The following RSF1 variants were observed in gnomAD, a reference collection of about 807,000 sequenced individuals.
The protein encoded by RSF1 is remodeling and spacing factor 1.
RSF1 carries 13 observed loss-of-function variants against 145.2 expected under a neutral mutation model. That is an observed-to-expected ratio of 0.09 (90% CI 0.06 to 0.14). The LOEUF is 0.14. RSF1 is among the 10% of genes least tolerant of loss of function. The pLI is 1.00. For missense variants in RSF1, 1,517 were observed against 1,718.2 expected, an observed-to-expected ratio of 0.88 and a Z score of 2.07; for synonymous variants, 577 against 592.6, an observed-to-expected ratio of 0.97 and a Z score of 0.38.
intron 1 of RSF1, among the ~76,000 whole-genome samples, chr11:77,778,211 T>TG (rs1948366584): frequency 4.6e-5 from 1 of 21,844 alleles, no homozygotes; most frequent in Non-Finnish European, 8.1e-5. Context: ...GGGGAGAGGA[T>TG]GGGGAGGGGA....
In RSF1 at chr11:77,667,369, C is replaced by G; in HGVS notation, c.3874G>C (p.Glu1292Gln). 6.2e-7 allele frequency: 1 copy of G among 1,613,828 alleles called. No individual in the cohort carries two copies. Among genetic ancestry groups the G allele is most frequent in the African/African-American group, 1.3e-5 (1 of 75,012 alleles). ...AGCCGTTTGCGGGATGGTTTGCCTT[C>G]CTCTTCCTCCTCCTCCTCATCTGCT... ...SEADEEEEEEEGKPSRKRLHR... is the reference protein window; with the variant it reads ...SEADEEEEEEQGKPSRKRLHR... The change falls in exon 16 of 16, where the codon GAA (glutamate) becomes CAA (glutamine). Residue 1292 changes from glutamate to glutamine, a missense_variant. Around this residue, in one of 12 missense-constraint regions of RSF1, gnomAD observed 240 missense variants for 231.8 expected, o/e 1.04. Coordinates refer to ENST00000308488, the MANE Select transcript of RSF1 (RefSeq NM_016578.4).
intron 1 of RSF1, among the ~76,000 whole-genome samples, chr11:77,794,907 G>A (rs906900552): frequency 1.3e-5 from 2 of 152,166 alleles, no homozygotes; most frequent in Non-Finnish European, 2.9e-5. Flanking sequence ...AAAGAAGGAG[G>A]TCAAACTTTC....
At chr11:77,708,322 T>G (rs2135863212) in intron 5 of RSF1, among the ~76,000 whole-genome samples, 1 of 152,248 alleles carries the variant, frequency 6.6e-6, no homozygotes, top group African/African-American at 2.4e-5. Flanking sequence ...CCAGCTATAC[T>G]AGAGGCTGAG....
chr11:77,693,764 C>CATTCATTTATTTATTT (rs1554986270), intron 7 of RSF1, among the ~76,000 whole-genome samples, 153 bp from the exon 8 acceptor site: 1 of 146,556 alleles, frequency 6.8e-6, no homozygotes, highest in Admixed American at 6.8e-5. Context: ...AGGGATCTGA[C>CATTCATTTATTTATTT]ATTTATTTAT....
At chr11:77,744,809 C>T (rs1042419657) in intron 3 of RSF1, among the ~76,000 whole-genome samples, 2 of 152,136 alleles carry the variant, frequency 1.3e-5, no homozygotes, top group Non-Finnish European at 2.9e-5. Context: ...ATAATGCTGG[C>T]CTTCTAAAAT....
intron 1 of RSF1, among the ~76,000 whole-genome samples, chr11:77,787,806 G>A (rs1948471836): frequency 6.9e-6 from 1 of 145,148 alleles, no homozygotes; most frequent in Admixed American, 7.2e-5. Flanking sequence ...AAACTTACCA[G>A]GCATTGCTAA....
chr11:77,819,975 G>A (rs1948834964), intron 1 of RSF1, among the ~76,000 whole-genome samples: 1 of 152,152 alleles, frequency 6.6e-6, no homozygotes, highest in Non-Finnish European at 1.5e-5. Flanking sequence ...TCTCTCAGGG[G>A]AGTTCCCAAC....
intron 1 of RSF1, among the ~76,000 whole-genome samples, chr11:77,781,684 T>G (rs1948406290): frequency 6.6e-6 from 1 of 152,364 alleles, no homozygotes; most frequent in East Asian, 1.9e-4. Flanking sequence ...TCTGGAAATA[T>G]CAATAATATC....
intron 1 of RSF1, among the ~76,000 whole-genome samples, chr11:77,792,274 T>C (rs1948525282): frequency 6.6e-6 from 1 of 151,914 alleles, no homozygotes; most frequent in African/African-American, 2.4e-5. Context: ...TTCAATTACC[T>C]CCCACCAAGT....
At chr11:77,803,108 T>C (rs1948642516) in intron 1 of RSF1, among the ~76,000 whole-genome samples, 1 of 152,162 alleles carries the variant, frequency 6.6e-6, no homozygotes, top group South Asian at 2.1e-4. Context: ...TTATGCCACG[T>C]AGTTTCAGCC....
At chr11:77,687,053 A>G (rs894965118) in intron 9 of RSF1, among the ~76,000 whole-genome samples, 11 of 152,224 alleles carry the variant, frequency 7.2e-5, no homozygotes, top group Non-Finnish European at 7.3e-5. Flanking sequence ...TAAAAAGTGA[A>G]TATAAGTGCT....
chr11:77,756,975 T>C (rs562939258), intron 2 of RSF1, among the ~76,000 whole-genome samples: 1 of 152,268 alleles, frequency 6.6e-6, no homozygotes, highest in African/African-American at 2.4e-5. Flanking sequence ...AGTGAGTAAC[T>C]GACACAGCTA....
intron 5 of RSF1, among the ~76,000 whole-genome samples, chr11:77,711,117 C>T (rs902730693): frequency 4.7e-5 from 7 of 149,614 alleles, no homozygotes; most frequent in African/African-American, 1.7e-4. Context: ...ATAGACACCC[C>T]CCCTGACCCC....
chr11:77,700,647 G>A, intron 6 of RSF1, 74 bp downstream of exon 6: 1 of 1,141,240 alleles, frequency 8.8e-7, no homozygotes, highest in South Asian at 1.7e-5. Flanking sequence ...TGATGACTAA[G>A]TTTTAGACAA....
chr11:77,833,567 T>G, the RSF1 span, among the ~76,000 whole-genome samples: 1 of 152,174 alleles, frequency 6.6e-6, no homozygotes, highest in Non-Finnish European at 1.5e-5. Context: ...TTACCTCCTG[T>G]TGTGCAGCCC....
chr11:77,756,600 T>C (rs1468439585), intron 2 of RSF1, among the ~76,000 whole-genome samples: 1 of 151,998 alleles, frequency 6.6e-6, no homozygotes, highest in African/African-American at 2.4e-5. Context: ...GGTAGTAAAA[T>C]GGGTAAACTA....
chr11:77,678,058 TGAA>T (rs1465131035), intron 12 of RSF1, 25 bp downstream of exon 12: 4 of 1,574,692 alleles, frequency 2.5e-6, no homozygotes, highest in Non-Finnish European at 3.5e-6. Flanking sequence ...CAGAGTTCTA[TGAA>T]GAAGAGAGAA....
At chr11:77,786,824 ATAT>A (rs1227327135) in intron 1 of RSF1, among the ~76,000 whole-genome samples, 3 of 152,218 alleles carry the variant, frequency 2.0e-5, no homozygotes, top group African/African-American at 4.8e-5. Context: ...GACAACAAAA[ATAT>A]ATGAAACTAG....
At chr11:77,758,644 G>T (rs1948140247) in intron 2 of RSF1, among the ~76,000 whole-genome samples, 1 of 152,098 alleles carries the variant, frequency 6.6e-6, no homozygotes, top group South Asian at 2.1e-4. Flanking sequence ...ATCCTGTTAG[G>T]TATAAAGTGG....
Sources: allele counts gnomAD v4.1 joint callset (sites outside exome capture counted in the v4.1 genomes callset), GRCh38; gene constraint gnomAD v4.1.1; regional missense constraint gnomAD v4.1.1; transcripts MANE v1.5; gene names NCBI Gene and HGNC (gene_info 2026-07-23, HGNC 2026-07-21).